Variants in MAGI1 observed in about 807,000 individuals in gnomAD.
MAGI1 encodes the protein membrane-associated guanylate kinase, WW and PDZ domain-containing protein 1.
In MAGI1, 58 loss-of-function variants were observed where a neutral mutation model predicts 139.9. The observed-to-expected ratio is 0.41, with a 90% CI of 0.34 to 0.52. The LOEUF (loss-of-function observed/expected upper bound fraction) is 0.52. MAGI1 is among the 20% of genes least tolerant of loss of function. The pLI, the probability that MAGI1 is intolerant of heterozygous loss-of-function variation, is 0.12. For missense variants in MAGI1, 1,874 were observed against 1,901.6 expected, an observed-to-expected ratio of 0.99 and a Z score of 0.27; for synonymous variants, 812 against 737.9, an observed-to-expected ratio of 1.10 and a Z score of -1.63.
At chr3:65,518,365 T>C (rs889538515) in intron 2 of MAGI1, among the ~76,000 whole-genome samples, 1 of 152,206 alleles carries the variant, frequency 6.6e-6, no homozygotes, top group African/African-American at 2.4e-5. Flanking sequence ...TAGAATTGTG[T>C]CTGTCCCACT....
intron 2 of MAGI1, among the ~76,000 whole-genome samples, chr3:65,603,834 A>T (rs1038590607): frequency 3.9e-5 from 6 of 152,214 alleles, no homozygotes; most frequent in African/African-American, 1.4e-4. Context: ...GCCCTGTTAC[A>T]GCATCCCCCA....
At chr3:65,776,525 C>G (rs1489647919) in intron 1 of MAGI1, among the ~76,000 whole-genome samples, 2 of 152,104 alleles carry the variant, frequency 1.3e-5, no homozygotes, top group Non-Finnish European at 2.9e-5. Context: ...AGGCTGATTT[C>G]TAAACTGTAA....
chr3:65,861,505 T>C (rs763667227), intron 1 of MAGI1, among the ~76,000 whole-genome samples: 3 of 152,156 alleles, frequency 2.0e-5, no homozygotes, highest in African/African-American at 7.2e-5. Flanking sequence ...ACCTCTTGTA[T>C]ATAAACCACT....
intron 14 of MAGI1, among the ~76,000 whole-genome samples, chr3:65,390,080 C>T (rs1440744180): frequency 2.0e-5 from 3 of 152,162 alleles, no homozygotes; most frequent in African/African-American, 7.2e-5. Context: ...GCAAAGGAAG[C>T]ACAGCATGGC....
chr3:65,417,079 G>GA (rs1946273083), intron 12 of MAGI1, among the ~76,000 whole-genome samples: 1 of 152,126 alleles, frequency 6.6e-6, no homozygotes, highest in Non-Finnish European at 1.5e-5. Flanking sequence ...GCTCAGAACT[G>GA]AAAAATGCTT....
chr3:65,540,345 C>T (rs369944685), intron 2 of MAGI1, among the ~76,000 whole-genome samples: 5 of 152,292 alleles, frequency 3.3e-5, no homozygotes, highest in African/African-American at 1.2e-4. Flanking sequence ...GCATATATCA[C>T]TTCCTGGCAT....
At chr3:66,037,721 G>A (rs997643670) in intron 1 of MAGI1, among the ~76,000 whole-genome samples, 18 of 152,178 alleles carry the variant, frequency 1.2e-4, no homozygotes, top group Admixed American at 6.5e-4. Flanking sequence ...AGACTGCGCT[G>A]CACTTAGTGG....
At chr3:65,441,276 C>G (rs138264730) in intron 8 of MAGI1, among the ~76,000 whole-genome samples, 4 of 152,064 alleles carry the variant, frequency 2.6e-5, no homozygotes, top group Non-Finnish European at 5.9e-5. Context: ...TTTCTTAATT[C>G]AAAATAATAG....
chr3:65,605,550 C>A (rs1288472930), intron 2 of MAGI1, among the ~76,000 whole-genome samples: 2 of 152,064 alleles, frequency 1.3e-5, no homozygotes, highest in Non-Finnish European at 2.9e-5. Context: ...TGATGGAGAG[C>A]CTAACAGTTG....
chr3:65,402,869 G>A (rs1230834922), intron 12 of MAGI1, among the ~76,000 whole-genome samples: 2 of 152,150 alleles, frequency 1.3e-5, no homozygotes, highest in African/African-American at 2.4e-5. Context: ...GGTCACCATG[G>A]AAGCCTGGCT....
intron 1 of MAGI1, among the ~76,000 whole-genome samples, chr3:65,896,893 C>G (rs950927984): frequency 9.2e-5 from 14 of 152,014 alleles, no homozygotes; most frequent in Non-Finnish European, 1.6e-4. Flanking sequence ...TTTTATACAC[C>G]TACACATAAT....
At chr3:65,857,627 T>C (rs1346798813) in intron 1 of MAGI1, among the ~76,000 whole-genome samples, 3 of 152,290 alleles carry the variant, frequency 2.0e-5, no homozygotes, top group East Asian at 1.9e-4. Context: ...AAAGCTGTGA[T>C]TTTTAGCTCT....
intron 2 of MAGI1, among the ~76,000 whole-genome samples, chr3:65,533,856 C>A (rs1428594916): frequency 6.6e-6 from 1 of 152,092 alleles, no homozygotes; most frequent in Non-Finnish European, 1.5e-5. Flanking sequence ...AATATTACAT[C>A]CATCCAATCC....
chr3:65,861,665 A>C (rs2059560857), intron 1 of MAGI1, among the ~76,000 whole-genome samples: 1 of 152,144 alleles, frequency 6.6e-6, no homozygotes, highest in South Asian at 2.1e-4. Context: ...GTGAGGAGCC[A>C]CTTGACCTCA....
At chr3:65,556,976 C>T (rs530875284) in intron 2 of MAGI1, among the ~76,000 whole-genome samples, 11 of 152,300 alleles carry the variant, frequency 7.2e-5, no homozygotes, top group Non-Finnish European at 1.2e-4. Flanking sequence ...CTGGGAAAGG[C>T]TCTCTACCAA....
At chr3:65,836,605 G>T (rs540293672) in intron 1 of MAGI1, among the ~76,000 whole-genome samples, 1 of 152,124 alleles carries the variant, frequency 6.6e-6, no homozygotes, top group South Asian at 2.1e-4. Flanking sequence ...TGGATCACGA[G>T]GTCAGGAGTT....
At chr3:65,426,929 C>T (rs542214786) in intron 12 of MAGI1, among the ~76,000 whole-genome samples, 14 of 152,114 alleles carry the variant, frequency 9.2e-5, no homozygotes, top group East Asian at 7.7e-4. Context: ...CAATATATTC[C>T]GGATTTTTCA....
intron 1 of MAGI1, among the ~76,000 whole-genome samples, chr3:65,846,982 A>AAAAAAAAAAC (rs1257771244): frequency 1.5e-4 from 23 of 150,908 alleles, no homozygotes; most frequent in East Asian, 3.9e-4. Flanking sequence ...CTTACAAAAA[A>AAAAAAAAAAC]AAAAAAAAAA....
intron 5 of MAGI1, among the ~76,000 whole-genome samples, chr3:65,453,855 C>T (rs1949200238): frequency 1.3e-5 from 2 of 152,170 alleles, no homozygotes; most frequent in Admixed American, 1.3e-4. Context: ...CATTAAATCA[C>T]AATGTCCTAA....
Sources: gnomAD v4.1 joint callset for allele counts (sites outside exome capture counted in the v4.1 genomes callset) on GRCh38, gnomAD v4.1.1 for gene constraint, MANE v1.5 for transcripts, NCBI Gene and HGNC (gene_info 2026-07-23, HGNC 2026-07-21) for gene names.